The following FRMD4B variants were observed in gnomAD, a reference collection of about 807,000 sequenced individuals.
FRMD4B encodes the protein FERM domain-containing protein 4B.
In FRMD4B, 74 loss-of-function variants were observed where a neutral mutation model predicts 141.5. The ratio of observed to expected loss-of-function variants is 0.52; its 90% CI spans 0.43 to 0.63. The LOEUF is 0.63. Ranked by LOEUF, FRMD4B falls within the 30% of genes least tolerant of loss-of-function variation. The probability of loss-of-function intolerance (pLI) is 0.00; values close to 1 mark genes in which losing one functional copy is unlikely to be tolerated. For missense variants in FRMD4B, 1,366 were observed against 1,253.4 expected (o/e 1.09, Z -1.36); for synonymous variants, 506 against 467.9 (o/e 1.08, Z -1.05).
At chr3:69,290,266 C>A (rs1393610849) in intron 4 of FRMD4B, among the ~76,000 whole-genome samples, 3 of 152,076 alleles carry the variant, frequency 2.0e-5, no homozygotes, top group African/African-American at 7.2e-5. Context: ...TGCACATGGT[C>A]TCTTAGAGAC....
At chr3:69,315,545 T>C (rs1316832343) in intron 1 of FRMD4B, among the ~76,000 whole-genome samples, 1 of 152,240 alleles carries the variant, frequency 6.6e-6, no homozygotes, top group Non-Finnish European at 1.5e-5. Context: ...TGTTGTTGTT[T>C]CTTTCTTTTT....
At chr3:69,479,815 T>C (rs1706086178) in intron 1 of FRMD4B, among the ~76,000 whole-genome samples, 1 of 152,250 alleles carries the variant, frequency 6.6e-6, no homozygotes, top group African/African-American at 2.4e-5. Flanking sequence ...CCAACTTGGT[T>C]CCATTCACCC....
rs532763691 is a variant in FRMD4B, at chr3:69,257,168, G to C, written c.502-7069C>G. Among the ~76,000 whole-genome samples, 4 of 152,276 alleles carry C rather than the reference G, an allele frequency of 2.6e-5. No homozygotes were observed. In the East Asian group the frequency reaches 7.7e-4, roughly 29 times the overall value. ...TAAGTTTTATTCTTGGGTTAGGCTA[G>C]AATAATCAGAAACCTATATAAAGCA... On this transcript the variant is annotated intron_variant, in intron 5 of 22. Coordinates refer to ENST00000398540, the MANE Select transcript of FRMD4B (RefSeq NM_015123.3).
intron 1 of FRMD4B, among the ~76,000 whole-genome samples, chr3:69,484,231 C>T (rs1706177354): frequency 6.6e-6 from 1 of 152,174 alleles, no homozygotes; most frequent in African/African-American, 2.4e-5. Context: ...CAGTTCAAGA[C>T]AAAGAAGTGG....
At chr3:69,296,904 T>A (rs1034108057) in intron 4 of FRMD4B, among the ~76,000 whole-genome samples, 2 of 152,188 alleles carry the variant, frequency 1.3e-5, no homozygotes, top group African/African-American at 2.4e-5. Context: ...ATGAAAATCA[T>A]CCCTACAATC....
chr3:69,250,984 G>T (rs1244158165), intron 5 of FRMD4B, among the ~76,000 whole-genome samples: 3 of 151,516 alleles, frequency 2.0e-5, no homozygotes, highest in Admixed American at 1.3e-4. Context: ...GTGCAGAAAG[G>T]GTATAGCTCT....
chr3:69,310,557 C>CACAT (rs1253310251), intron 3 of FRMD4B: 2 of 213,452 alleles, frequency 9.4e-6, no homozygotes, highest in East Asian at 1.4e-4. Flanking sequence ...CAGACAAACA[C>CACAT]ACACACACAC....
intron 20 of FRMD4B, 106 bp from the exon 21 acceptor site, chr3:69,181,816 T>A: frequency 1.5e-6 from 1 of 688,940 alleles, no homozygotes; most frequent in Non-Finnish European, 2.4e-6. Flanking sequence ...TGAATTACAA[T>A]AGGACTTTGA....
intron 3 of FRMD4B, among the ~76,000 whole-genome samples, chr3:69,305,957 G>A (rs756102318): frequency 4.6e-5 from 7 of 152,142 alleles, no homozygotes; most frequent in Non-Finnish European, 8.8e-5. Context: ...GCTAGTACTG[G>A]TTACCTCTGT....
intron 1 of FRMD4B, among the ~76,000 whole-genome samples, chr3:69,352,352 T>C (rs13323667): frequency 2.0e-5 from 3 of 152,136 alleles, no homozygotes; most frequent in East Asian, 1.9e-4. Context: ...TTAGAGACAA[T>C]GGACTCATTT....
chr3:69,435,809 GTCAAAA>G (rs909704009), intron 1 of FRMD4B, among the ~76,000 whole-genome samples: 47 of 152,164 alleles, frequency 3.1e-4, no homozygotes, highest in African/African-American at 1.1e-3. Context: ...ACTGTGTATA[GTCAAAA>G]TGAACACTGG....
intron 2 of FRMD4B, among the ~76,000 whole-genome samples, chr3:69,408,384 G>C (rs1184973373): frequency 6.6e-6 from 1 of 152,204 alleles, no homozygotes; most frequent in Non-Finnish European, 1.5e-5. Flanking sequence ...CAAGAGCCAA[G>C]TGCCCCCAAA....
chr3:69,198,566 C>CA, intron 12 of FRMD4B, 132 bp downstream of exon 12: 1 of 626,806 alleles, frequency 1.6e-6, no homozygotes, highest in South Asian at 2.0e-5. Flanking sequence ...TTTGACCCAG[C>CA]AATTCCATTC....
At chr3:69,486,601 G>A (rs1051437782) in intron 1 of FRMD4B, among the ~76,000 whole-genome samples, 1 of 152,116 alleles carries the variant, frequency 6.6e-6, no homozygotes, top group Non-Finnish European at 1.5e-5. Context: ...GAGCAGAAGG[G>A]GATTTACATT....
intron 1 of FRMD4B, among the ~76,000 whole-genome samples, chr3:69,445,311 C>T (rs1705396198): frequency 6.6e-6 from 1 of 152,170 alleles, no homozygotes; most frequent in Non-Finnish European, 1.5e-5. Flanking sequence ...AGGATATTTA[C>T]AAATACTGCT....
intron 1 of FRMD4B, among the ~76,000 whole-genome samples, chr3:69,500,237 T>C (rs901517008): frequency 6.6e-6 from 1 of 152,190 alleles, no homozygotes; most frequent in Admixed American, 6.5e-5. Flanking sequence ...AGGTCAGGCA[T>C]GTGGTCGAAA....
At chr3:69,486,125 G>A (rs975349570) in intron 1 of FRMD4B, among the ~76,000 whole-genome samples, 2 of 152,168 alleles carry the variant, frequency 1.3e-5, no homozygotes, top group African/African-American at 4.8e-5. Context: ...AAATAGCCTG[G>A]CTTTGAATTT....
chr3:69,292,734 C>A (rs957693625), intron 4 of FRMD4B, among the ~76,000 whole-genome samples: 1 of 151,468 alleles, frequency 6.6e-6, no homozygotes, highest in African/African-American at 2.4e-5. Context: ...TCAACACAAA[C>A]CATGAACTGA....
chr3:69,181,003 G>A lies in FRMD4B; in HGVS notation c.2747C>T (p.Pro916Leu), dbSNP rs540273782. ...CCTGTCTGAGTCAAAGCTGGTCTGC[G>A]GGCTGTGTCCCTGATCCTTCTGCCC... ...ASGQKDQGHS[P>L]QTSFDSDRGS... The change falls in exon 21 of 23, where the codon CCG (proline) becomes CTG (leucine). Residue 916 changes from proline to leucine, a missense_variant. Transcript: ENST00000398540. 75 of 1,613,842 alleles carry A rather than the reference G, an allele frequency of 4.6e-5. No individual in the cohort carries two copies. The highest frequency in any genetic ancestry group is 2.3e-4 in the African/African-American group (17 of 74,920).
Sources: gnomAD v4.1 joint callset for allele counts (sites outside exome capture counted in the v4.1 genomes callset) on GRCh38, gnomAD v4.1.1 for gene constraint, MANE v1.5 for transcripts, NCBI Gene and HGNC (gene_info 2026-07-23, HGNC 2026-07-21) for gene names.